STK4: variants seen among roughly 807,000 people sequenced by gnomAD.
The protein encoded by STK4 is serine/threonine kinase 4, also known as serine/threonine-protein kinase 4.
STK4 carries 30 observed loss-of-function variants against 64.9 expected under a neutral mutation model. That is an observed-to-expected ratio of 0.46 (90% confidence interval 0.35 to 0.63). The LOEUF (loss-of-function observed/expected upper bound fraction) is 0.63, where lower values mean the gene tolerates loss of function less well. Ranked by LOEUF, STK4 falls within the 20% of genes least tolerant of loss-of-function variation. The probability of loss-of-function intolerance (pLI) is 0.01; values close to 1 mark genes in which losing one functional copy is unlikely to be tolerated. For synonymous variants in STK4, 177 were observed against 199.0 expected, an observed-to-expected ratio of 0.89 and a Z score of 0.93; for missense variants, 466 against 598.5, an observed-to-expected ratio of 0.78 and a Z score of 2.31.
rs1002917890 is a variant in STK4 at position 45,075,456 on chromosome 20, T to C, written c.*280T>C. The C allele has an allele frequency of 3.8e-6, 1 of 259,860 alleles. No individual in the cohort carries two copies. The highest frequency in any genetic ancestry group is 7.4e-6 in the Non-Finnish European group (1 of 135,818). The allele number at this position is 259,860 out of a possible 1,614,324, so 16.1% of individuals were successfully genotyped here. ...GGAACAGAGACTCCTAGTTGAGTGATAGCTGGGAAAGTTTTACATTGTCTG... is the reference window on the plus strand; with the variant it reads ...GGAACAGAGACTCCTAGTTGAGTGACAGCTGGGAAAGTTTTACATTGTCTG... On this transcript the variant is annotated 3_prime_UTR_variant, in exon 11 of 11. Coordinates refer to ENST00000372806, the MANE Select transcript of STK4 (RefSeq NM_006282.5).
chr20:45,006,153 A>G (rs144531431), intron 9 of STK4, among the ~76,000 whole-genome samples: 2 of 150,324 alleles, frequency 1.3e-5, no homozygotes, highest in African/African-American at 4.9e-5. Flanking sequence ...GACTTTATTC[A>G]GTTTTAGAAA....
chr20:44,970,836 G>A (rs1240461367), intron 1 of STK4, among the ~76,000 whole-genome samples: 2 of 151,350 alleles, frequency 1.3e-5, no homozygotes, highest in Non-Finnish European at 2.9e-5. Flanking sequence ...TTGTTGGTTT[G>A]TTTTATTTTT....
chr20:45,063,294 T>A (rs947942807), intron 10 of STK4, among the ~76,000 whole-genome samples: 1 of 152,016 alleles, frequency 6.6e-6, no homozygotes. Flanking sequence ...TGTGAGCCAC[T>A]GCACCTGGCC....
At chr20:45,051,203 C>T (rs972210292) in intron 10 of STK4, among the ~76,000 whole-genome samples, 3 of 152,190 alleles carry the variant, frequency 2.0e-5, no homozygotes, top group Non-Finnish European at 4.4e-5. Flanking sequence ...CAAAGTACTT[C>T]TATGTCTTGA....
At chr20:44,967,192 G>A in intron 1 of STK4, 1 of 985,386 alleles carries the variant, frequency 1.0e-6, no homozygotes, top group Non-Finnish European at 1.2e-6. Flanking sequence ...CTGTAGGATG[G>A]CATCTTTTAT....
chr20:45,023,145 A>G (rs1318648877), intron 9 of STK4, among the ~76,000 whole-genome samples: 2 of 152,086 alleles, frequency 1.3e-5, no homozygotes, highest in Non-Finnish European at 2.9e-5. Context: ...TCATGGCTCT[A>G]ACATCATACC....
intron 4 of STK4, among the ~76,000 whole-genome samples, chr20:44,984,030 T>G (rs1601199474): frequency 1.3e-5 from 2 of 151,962 alleles, no homozygotes; most frequent in African/African-American, 4.8e-5. Context: ...GCTTCTTATA[T>G]GCAGCATTAA....
intron 9 of STK4, among the ~76,000 whole-genome samples, chr20:45,024,709 C>A (rs1412932007): frequency 6.6e-6 from 1 of 152,194 alleles, no homozygotes; most frequent in Non-Finnish European, 1.5e-5. Context: ...TCACCCAAAT[C>A]TTTCCATTTA....
chr20:45,044,393 C>T (rs979830002), intron 10 of STK4, among the ~76,000 whole-genome samples: 2 of 152,152 alleles, frequency 1.3e-5, no homozygotes, highest in African/African-American at 2.4e-5. Context: ...TGCCTATAAT[C>T]CCAGCTTTTT....
chr20:45,004,760 T>TTTTTTCC (rs1555811881), intron 9 of STK4, among the ~76,000 whole-genome samples: 1 of 150,874 alleles, frequency 6.6e-6, no homozygotes, highest in African/African-American at 2.5e-5. Context: ...TTCTCCTTTT[T>TTTTTTCC]TTTTTTCTTT....
intron 10 of STK4, among the ~76,000 whole-genome samples, chr20:45,054,899 C>A (rs1429821200): frequency 4.6e-5 from 7 of 152,186 alleles, no homozygotes; most frequent in African/African-American, 1.2e-4. Context: ...TCTGCCCTCT[C>A]ATTAAGGCAA....
chr20:44,999,344 C>T (rs970738600), intron 7 of STK4, among the ~76,000 whole-genome samples: 15 of 152,122 alleles, frequency 9.9e-5, no homozygotes, highest in African/African-American at 1.2e-4. Context: ...CAAAATGTTA[C>T]GGAAATGTAT....
At chr20:44,966,897 A>G (rs1360620591) in intron 1 of STK4, among the ~76,000 whole-genome samples, 2 of 151,906 alleles carry the variant, frequency 1.3e-5, no homozygotes, top group African/African-American at 2.4e-5. Context: ...CACTCGGGGG[A>G]ACGCTATCCA....
chr20:44,987,184 A>C lies in STK4; in HGVS notation c.413A>C (p.Glu138Ala), dbSNP rs1193928841. ...TILQSTLKGLEYLHFMRKIHR... is the reference protein window; with the variant it reads ...TILQSTLKGLAYLHFMRKIHR... ...TTACAATCAACTCTTAAGGGACTTG[A>C]ATACCTTCATTTTATGAGAAAAATA... Residue 138 changes from glutamate (E) to alanine (A), a missense_variant, in exon 5 of 11, where the codon GAA becomes GCA. Around this residue, in one of 2 missense-constraint regions of STK4, gnomAD observed 190 missense variants for 289.7 expected, o/e 0.66. Coordinates refer to ENST00000372806, the MANE Select transcript of STK4 (RefSeq NM_006282.5). 6.2e-7 allele frequency: 1 copy of C among 1,611,704 alleles called. No homozygotes were observed.
chr20:45,050,723 A>G (rs1049074601), intron 10 of STK4, among the ~76,000 whole-genome samples: 1 of 152,116 alleles, frequency 6.6e-6, no homozygotes, highest in Non-Finnish European at 1.5e-5. Context: ...AGCTTTGTAT[A>G]TGGTATCTAA....
intron 6 of STK4, among the ~76,000 whole-genome samples, chr20:44,995,702 T>C (rs1601226918): frequency 1.3e-5 from 2 of 151,972 alleles, no homozygotes; most frequent in Non-Finnish European, 1.5e-5. Flanking sequence ...TCGCTATAGA[T>C]GATACACCTC....
intron 4 of STK4, among the ~76,000 whole-genome samples, chr20:44,985,117 C>G (rs891120376): frequency 5.9e-5 from 9 of 152,200 alleles, no homozygotes; most frequent in African/African-American, 2.2e-4. Flanking sequence ...ACCCCAGACT[C>G]TAGCCTACTA....
chr20:44,996,716 A>C (rs2067737976), intron 6 of STK4, among the ~76,000 whole-genome samples: 1 of 152,136 alleles, frequency 6.6e-6, no homozygotes, highest in South Asian at 2.1e-4. Context: ...GAAGTTAATG[A>C]CCCCATTGTG....
intron 2 of STK4, chr20:44,972,462 A>G (rs779415514): frequency 3.9e-5 from 8 of 205,288 alleles, no homozygotes; most frequent in Non-Finnish European, 4.8e-5. Context: ...TTTGCTGTTC[A>G]TAATTTCTGA....
Sources: gnomAD v4.1 joint callset for allele counts (sites outside exome capture counted in the v4.1 genomes callset) on GRCh38, gnomAD v4.1.1 for gene constraint, gnomAD v4.1.1 regional missense constraint, MANE v1.5 for transcripts, NCBI Gene and HGNC (gene_info 2026-07-23, HGNC 2026-07-21) for gene names.